The following TENT5D variants were observed in gnomAD, a reference collection of about 807,000 sequenced individuals.
The protein encoded by TENT5D is cancer/testis antigen 112.
For synonymous variants in TENT5D, 103 were observed against 100.6 expected, an observed-to-expected ratio of 1.02 and a Z score of -0.15; for missense variants, 191 against 287.0, an observed-to-expected ratio of 0.67 and a Z score of 2.42.
intron 3 of TENT5D, among the ~76,000 whole-genome samples, chrX:80,414,577 CT>C (rs1326041356): frequency 8.9e-6 from 1 of 112,107 alleles, no homozygotes; most frequent in African/African-American, 3.2e-5. Context: ...ATGTGTAAGA[CT>C]TACATTGGTT....
intron 3 of TENT5D, among the ~76,000 whole-genome samples, chrX:80,387,131 G>A (rs1267668894): frequency 8.9e-6 from 1 of 112,373 alleles, no homozygotes; most frequent in Non-Finnish European, 1.9e-5. Context: ...GCAGCTTTAA[G>A]TATCGAAGTT....
intron 2 of TENT5D, among the ~76,000 whole-genome samples, chrX:80,341,943 C>A (rs1416768706): frequency 9.2e-6 from 1 of 108,321 alleles, no homozygotes; most frequent in East Asian, 2.9e-4. Context: ...GATCTCCTGA[C>A]CTCGTGATCC....
At chrX:80,356,372 A>C (rs1930284168) in intron 3 of TENT5D, among the ~76,000 whole-genome samples, 1 of 111,840 alleles carries the variant, frequency 8.9e-6, no homozygotes, top group Admixed American at 9.5e-5. Context: ...AATCAGCTTC[A>C]AACAAAATGA....
chrX:80,408,540 T>C (rs1214381381), intron 3 of TENT5D, among the ~76,000 whole-genome samples: 445 of 109,742 alleles, frequency 4.1e-3, no homozygotes, highest in African/African-American at 0.014. Context: ...CTCCCAAGAC[T>C]AAACCAGGAA....
intron 3 of TENT5D, among the ~76,000 whole-genome samples, chrX:80,375,516 CATT>C (rs996453236): frequency 1.8e-5 from 2 of 111,317 alleles, no homozygotes; most frequent in African/African-American, 6.5e-5. Context: ...AAAAAGTCCT[CATT>C]GTTTACAGGT....
At chrX:80,399,496 A>G (rs1465680996) in intron 3 of TENT5D, among the ~76,000 whole-genome samples, 1 of 111,694 alleles carries the variant, frequency 9.0e-6, no homozygotes, top group East Asian at 2.8e-4. Context: ...ATGCTGTTTT[A>G]ATTACTATCA....
rs372951159 is a variant in TENT5D at position 80,345,666 on chromosome X, T to C, written c.-142+3102T>C. Among the ~76,000 whole-genome samples, 5 of 112,112 alleles carry C rather than the reference T, an allele frequency of 4.5e-5. No homozygotes were observed. In the East Asian group the frequency reaches 1.1e-3, roughly 25 times the overall value. ...GTTGATAGAAGGATTCCGTTTTTCC[T>C]GCATATTCTCTGGAGCAATAGAAAC... On this transcript the variant is annotated intron_variant, in intron 3 of 4. Transcript: ENST00000538312.
intron 3 of TENT5D, among the ~76,000 whole-genome samples, chrX:80,385,587 T>G (rs1212792893): frequency 5.4e-5 from 6 of 111,695 alleles, no homozygotes; most frequent in Non-Finnish European, 9.4e-5. Flanking sequence ...CTAATTAAAC[T>G]AAAGAGCTTC....
At chrX:80,392,005 G>C (rs898327341) in intron 3 of TENT5D, among the ~76,000 whole-genome samples, 3 of 112,083 alleles carry the variant, frequency 2.7e-5, no homozygotes, top group African/African-American at 9.7e-5. Flanking sequence ...GTTAGGCCTA[G>C]GATTTTTATC....
intron 3 of TENT5D, among the ~76,000 whole-genome samples, chrX:80,346,486 C>T (rs779115777): frequency 9.0e-6 from 1 of 111,563 alleles, no homozygotes; most frequent in Non-Finnish European, 1.9e-5. Context: ...TGTCACATAC[C>T]TTCACTGGCA....
intron 1 of TENT5D, among the ~76,000 whole-genome samples, chrX:80,427,030 C>T (rs1197649926): frequency 9.0e-6 from 1 of 111,637 alleles, no homozygotes; most frequent in East Asian, 2.8e-4. Context: ...GTAAGAAGTG[C>T]CTTTCGCCTC....
chrX:80,404,783 TG>T (rs778385724), intron 3 of TENT5D, among the ~76,000 whole-genome samples: 4 of 112,175 alleles, frequency 3.6e-5, no homozygotes, highest in African/African-American at 1.3e-4. Flanking sequence ...GTCAAAGCCC[TG>T]TAACTCAATG....
intron 3 of TENT5D, among the ~76,000 whole-genome samples, chrX:80,388,341 T>C (rs1167221377): frequency 9.0e-6 from 1 of 111,609 alleles, no homozygotes; most frequent in Non-Finnish European, 1.9e-5. Flanking sequence ...AGGAATATGC[T>C]GGGTCACAAC....
chrX:80,418,463 A>T (rs1931821010), upstream of TENT5D, among the ~76,000 whole-genome samples: 1 of 111,555 alleles, frequency 9.0e-6, no homozygotes, highest in African/African-American at 3.3e-5. Context: ...GTCAAAAGAG[A>T]ATGACACTAT....
At chrX:80,353,641 G>GGT (rs942679919) in intron 3 of TENT5D, among the ~76,000 whole-genome samples, 11 of 112,245 alleles carry the variant, frequency 9.8e-5, no homozygotes, top group African/African-American at 3.2e-4. Flanking sequence ...AGTATTCCAT[G>GGT]GTGTGTGTGT....
rs1360363125 is a variant in TENT5D at position 80,426,030 on chromosome X, A to AAAT, written c.-142+5487_-142+5489dup. Among the ~76,000 whole-genome samples, 17 of 110,084 alleles carry AAAT rather than the reference A, an allele frequency of 1.5e-4. No homozygotes were observed. The South Asian group carries it at 3.9e-3, about 25-fold the overall frequency. On this transcript the variant is annotated intron_variant, in intron 1 of 2. Coordinates refer to ENST00000308293, the Ensembl canonical transcript of TENT5D. Reference sequence around the variant, plus strand: ...CGACAGAGTGAGACTCCATCTCAAAAAATAATAATAATAATAATAATATTT... The same window carrying AAAT: ...CGACAGAGTGAGACTCCATCTCAAAAAATAATAATAATAATAATAATAATATTT...
intron 3 of TENT5D, among the ~76,000 whole-genome samples, chrX:80,402,046 G>A (rs755813464): frequency 6.3e-5 from 7 of 111,380 alleles, no homozygotes; most frequent in Non-Finnish European, 9.4e-5. Context: ...TTTGATGGGA[G>A]ATTTTTTGTT....
In TENT5D at chrX:80,408,063, G is replaced by T. The variant is rs1198653084; in HGVS notation, c.-141-30547G>T. Among the ~76,000 whole-genome samples, 3 of 108,083 alleles carry T rather than the reference G, an allele frequency of 2.8e-5. No individual in the cohort carries two copies. In the Admixed American group the frequency reaches 2.9e-4, roughly 11 times the overall value. The allele number at this position is 108,083 out of a possible 115,157, so 93.9% of individuals were successfully genotyped here. On this transcript the variant is annotated intron_variant, in intron 3 of 4. Coordinates refer to the TENT5D transcript ENST00000538312. ...GTTCTTTGAAACCAACGAGAACAAA[G>T]ACACAACATACCAGAATCTCTGGGA... is the stretch of plus-strand genomic sequence containing the variant.
At chrX:80,412,696 A>T (rs1303417766) in intron 3 of TENT5D, among the ~76,000 whole-genome samples, 1 of 111,574 alleles carries the variant, frequency 9.0e-6, no homozygotes, top group Admixed American at 9.6e-5. Flanking sequence ...CTAGTTCCTA[A>T]CAAGTTCCTC....
Sources: gnomAD v4.1 joint callset for allele counts (sites outside exome capture counted in the v4.1 genomes callset) on GRCh38, gnomAD v4.1.1 for gene constraint, MANE v1.5 for transcripts, NCBI Gene and HGNC (gene_info 2026-07-23, HGNC 2026-07-21) for gene names.